The following SLC39A11 variants were observed in gnomAD, a reference collection of about 807,000 sequenced individuals.
SLC39A11 encodes the protein zinc transporter ZIP11.
In SLC39A11, 33 loss-of-function variants were observed where a neutral mutation model predicts 36.1. The ratio of observed to expected loss-of-function variants is 0.91; its 90% CI spans 0.69 to 1.22. The LOEUF is 1.22. SLC39A11 is among the 50% of genes most tolerant of loss of function. The pLI is 0.00. For synonymous variants in SLC39A11, 166 were observed against 170.3 expected (o/e 0.97, Z 0.20); for missense variants, 432 against 430.3 (o/e 1.00, Z -0.03).
intron 6 of SLC39A11, among the ~76,000 whole-genome samples, chr17:72,749,407 T>C (rs1266417534): frequency 2.6e-5 from 4 of 152,184 alleles, no homozygotes; most frequent in Non-Finnish European, 5.9e-5. Context: ...TCTGACAGAT[T>C]CACTGTATGA....
chr17:72,864,028 A>C (rs1381065876), intron 5 of SLC39A11, among the ~76,000 whole-genome samples: 1 of 152,056 alleles, frequency 6.6e-6, no homozygotes, highest in Non-Finnish European at 1.5e-5. Context: ...CACCATACTC[A>C]AGCAAAAAGC....
intron 7 of SLC39A11, among the ~76,000 whole-genome samples, chr17:72,654,445 C>T (rs1246676105): frequency 6.6e-6 from 1 of 152,180 alleles, no homozygotes; most frequent in Non-Finnish European, 1.5e-5. Context: ...TGCAAGCTGA[C>T]CCTGAGCTCC....
intron 7 of SLC39A11, among the ~76,000 whole-genome samples, chr17:72,717,383 C>A (rs868033737): frequency 2.0e-5 from 3 of 152,044 alleles, no homozygotes; most frequent in Admixed American, 6.6e-5. Flanking sequence ...GGCCAGAAGT[C>A]CAAGATCAAG....
At chr17:72,900,197 G>GAAGGAAAA in intron 5 of SLC39A11, among the ~76,000 whole-genome samples, 1 of 145,898 alleles carries the variant, frequency 6.9e-6, no homozygotes, top group Non-Finnish European at 1.5e-5. Context: ...AAGAAAGAAA[G>GAAGGAAAA]AAAGAAAGAA....
intron 6 of SLC39A11, among the ~76,000 whole-genome samples, chr17:72,738,736 T>A (rs1205361317): frequency 1.3e-5 from 2 of 152,212 alleles, no homozygotes; most frequent in South Asian, 4.1e-4. Flanking sequence ...GGGGGTCAAA[T>A]TCGAACTTTC....
intron 4 of SLC39A11, among the ~76,000 whole-genome samples, chr17:72,968,950 G>A (rs1159819316): frequency 1.3e-5 from 2 of 151,946 alleles, no homozygotes; most frequent in Non-Finnish European, 2.9e-5. Flanking sequence ...CAGAGTCCAG[G>A]GTCCTCTGGC....
intron 7 of SLC39A11, among the ~76,000 whole-genome samples, chr17:72,728,490 A>G (rs1037358807): frequency 5.3e-5 from 8 of 152,168 alleles, no homozygotes; most frequent in African/African-American, 1.7e-4. Flanking sequence ...GGGAGGTCAG[A>G]TAGTAAATAT....
chr17:72,768,731 T>C (rs971074641), intron 6 of SLC39A11, among the ~76,000 whole-genome samples: 1 of 151,824 alleles, frequency 6.6e-6, no homozygotes, highest in Admixed American at 6.6e-5. Flanking sequence ...AGGTTACTTC[T>C]TGGTTTTTAT....
intron 4 of SLC39A11, among the ~76,000 whole-genome samples, chr17:72,953,534 C>T (rs141679137): frequency 3.3e-5 from 5 of 152,154 alleles, no homozygotes; most frequent in African/African-American, 1.2e-4. Context: ...AGGAGGGCAA[C>T]TGTTAGTGGC....
chr17:72,965,566 T>C (rs577697741), intron 4 of SLC39A11, among the ~76,000 whole-genome samples: 1 of 152,342 alleles, frequency 6.6e-6, no homozygotes, highest in South Asian at 2.1e-4. Flanking sequence ...ATGTAGGTGT[T>C]TTGAGCACGT....
In SLC39A11 at chr17:72,849,867, A is replaced by T. The variant is rs961137544; in HGVS notation, c.431-63T>A. The T allele has an allele frequency of 2.1e-6, 3 of 1,412,210 alleles. No homozygotes were observed. The African/African-American group carries it at 4.4e-5, about 21-fold the overall frequency. 87.5% of individuals were successfully genotyped at this position (1,412,210 alleles called of 1,614,324 possible). On this transcript the variant is annotated intron_variant, in intron 5 of 9. Coordinates refer to ENST00000255559, the MANE Select transcript of SLC39A11 (RefSeq NM_139177.4). The stretch of plus-strand genomic sequence containing the variant: ...CAGCGCTTTGAACATGTGCACGTTA[A>T]CTCTCCAGCAAGCTACAGCAGGAAG...
intron 6 of SLC39A11, among the ~76,000 whole-genome samples, chr17:72,794,361 G>A (rs969634877): frequency 2.6e-5 from 4 of 152,104 alleles, no homozygotes; most frequent in African/African-American, 9.7e-5. Flanking sequence ...GCGCGGTGAG[G>A]ACTCACACTG....
At chr17:73,045,814 G>A (rs2059268183) in intron 3 of SLC39A11, among the ~76,000 whole-genome samples, 1 of 152,144 alleles carries the variant, frequency 6.6e-6, no homozygotes, top group African/African-American at 2.4e-5. Context: ...AGAGTGATGT[G>A]GGGCATCCTT....
intron 6 of SLC39A11, among the ~76,000 whole-genome samples, chr17:72,753,889 CAAAAAAAAAAAAA>C (rs35076559): frequency 2.3e-4 from 12 of 51,944 alleles, no homozygotes; most frequent in African/African-American, 7.3e-4. Context: ...AGTCATTATA[CAAAAAAAAAAAAA>C]AAAAAAAAAA....
At chr17:73,032,396 G>A (rs1033930852) in intron 3 of SLC39A11, among the ~76,000 whole-genome samples, 1 of 151,924 alleles carries the variant, frequency 6.6e-6, no homozygotes, top group African/African-American at 2.4e-5. Flanking sequence ...TTTTAGAGAT[G>A]GGATTTTGCC....
chr17:73,054,248 G>A (rs2059597220), intron 3 of SLC39A11, among the ~76,000 whole-genome samples: 1 of 151,974 alleles, frequency 6.6e-6, no homozygotes. Context: ...TGTAGTCCCA[G>A]CTACTCAGGA....
At chr17:72,955,779 T>C (rs550179210) in intron 4 of SLC39A11, among the ~76,000 whole-genome samples, 8 of 152,128 alleles carry the variant, frequency 5.3e-5, no homozygotes, top group Middle Eastern at 3.4e-3. Flanking sequence ...TGTTGCATAA[T>C]ACAGAACATA....
At chr17:72,774,167 T>C (rs902689146) in intron 6 of SLC39A11, among the ~76,000 whole-genome samples, 1 of 152,152 alleles carries the variant, frequency 6.6e-6, no homozygotes, top group African/African-American at 2.4e-5. Flanking sequence ...TGTACGTGAA[T>C]AATGGTGTGC....
intron 6 of SLC39A11, among the ~76,000 whole-genome samples, chr17:72,807,840 G>C (rs757891548): frequency 1.3e-5 from 2 of 152,144 alleles, no homozygotes; most frequent in Admixed American, 1.3e-4. Flanking sequence ...TGAACCCGAC[G>C]AGGGGGTCGT....
Sources: gnomAD v4.1 joint callset for allele counts (sites outside exome capture counted in the v4.1 genomes callset) on GRCh38, gnomAD v4.1.1 for gene constraint, MANE v1.5 for transcripts, NCBI Gene and HGNC (gene_info 2026-07-23, HGNC 2026-07-21) for gene names.